COL4A1: variants seen among roughly 807,000 people sequenced by gnomAD.
COL4A1 encodes the protein collagen type IV alpha 1 chain.
A neutral mutation model predicts 216.6 loss-of-function variants in COL4A1; 40 were observed. The observed-to-expected ratio is 0.18, with a 90% CI of 0.14 to 0.24. The LOEUF (loss-of-function observed/expected upper bound fraction) is 0.24, where lower values mean the gene tolerates loss of function less well. COL4A1 is among the 10% of genes least tolerant of loss of function. The pLI, the probability that COL4A1 is intolerant of heterozygous loss-of-function variation, is 1.00. For synonymous variants in COL4A1, 839 were observed against 810.7 expected (o/e 1.03, Z -0.59); for missense variants, 1,628 against 2,196.8 (o/e 0.74, Z 5.18).
In COL4A1 at chr13:110,178,242, G is replaced by A. The variant is rs1256025447; in HGVS notation, c.2459-11C>T. The A allele has an allele frequency of 4.3e-6, 7 of 1,613,572 alleles. No homozygotes were observed. Among genetic ancestry groups the A allele is most frequent in the Middle Eastern group, 1.8e-4 (1 of 5,572 alleles). On this transcript the variant is annotated splice_polypyrimidine_tract_variant and intron_variant, in intron 31 of 51. Coordinates refer to ENST00000375820, the MANE Select transcript of COL4A1 (RefSeq NM_001845.6). ...TTATTCCAGGAGGGCCTGCAGTTGG[G>A]TGAAACACAAATAACTTTTAGCAGA...
intron 1 of COL4A1, among the ~76,000 whole-genome samples, chr13:110,253,155 T>TG (rs1405824730): frequency 2.8e-5 from 4 of 141,106 alleles, no homozygotes; most frequent in African/African-American, 7.7e-5. Flanking sequence ...TATGTACGTA[T>TG]TATATATACA....
At chr13:110,219,975 T>TAC (rs1431610819) in intron 2 of COL4A1, among the ~76,000 whole-genome samples, 3 of 145,862 alleles carry the variant, frequency 2.1e-5, no homozygotes, top group South Asian at 2.2e-4. Context: ...TACATATATA[T>TAC]ATATATATAT....
chr13:110,254,584 C>T (rs1882429246), intron 1 of COL4A1, among the ~76,000 whole-genome samples: 1 of 152,134 alleles, frequency 6.6e-6, no homozygotes, highest in South Asian at 2.1e-4. Flanking sequence ...GACGGACATG[C>T]AACTCAAAAA....
At chr13:110,227,387 G>GACACACACAC (rs373355054) in intron 2 of COL4A1, among the ~76,000 whole-genome samples, 11 of 138,770 alleles carry the variant, frequency 7.9e-5, no homozygotes, top group South Asian at 5.0e-4. Context: ...GGGTACGGTA[G>GACACACACAC]ACACACACAC....
chr13:110,189,163 A>G (rs957509992), intron 24 of COL4A1, among the ~76,000 whole-genome samples: 2 of 152,226 alleles, frequency 1.3e-5, no homozygotes. Flanking sequence ...TCTCAGGTTC[A>G]AGAGATTCTC....
intron 1 of COL4A1, among the ~76,000 whole-genome samples, chr13:110,255,203 A>C: frequency 6.6e-6 from 1 of 152,166 alleles, no homozygotes; most frequent in Non-Finnish European, 1.5e-5. Context: ...ACAAAAGGCC[A>C]AGTGTTTTCC....
rs1024858516 is a variant in COL4A1 at position 110,211,200 on chromosome 13, C to T, written c.468+447G>A. On this transcript the variant is annotated intron_variant, in intron 8 of 51. Transcript: ENST00000375820. The surrounding 1 kb of genome is among the most constrained non-coding windows in gnomAD (Gnocchi z 4.3). ...CCAACATCCAGATGCCCGAGGTCCC[C>T]GCCCTGTGCCCAAGCACAGCCGACA... is the stretch of plus-strand genomic sequence containing the variant. Among the ~76,000 whole-genome samples, 3 of 152,206 alleles carry T rather than the reference C, an allele frequency of 2.0e-5. No individual in the cohort carries two copies. Among genetic ancestry groups the T allele is most frequent in the African/African-American group, 7.2e-5 (3 of 41,438 alleles).
chr13:110,244,529 G>A (rs1380371833), intron 1 of COL4A1, among the ~76,000 whole-genome samples: 2 of 152,166 alleles, frequency 1.3e-5, no homozygotes, highest in Admixed American at 6.5e-5. Flanking sequence ...CTGTGCTCCA[G>A]GAGGTTCTTC....
At chr13:110,163,291 C>T (rs758954513) in intron 47 of COL4A1, among the ~76,000 whole-genome samples, 172 bp downstream of exon 47, 7 of 152,240 alleles carry the variant, frequency 4.6e-5, no homozygotes, top group Non-Finnish European at 8.8e-5. Context: ...GAAAAAAGAA[C>T]ACTTCTTCAG....
At chr13:110,195,959 C>T (rs1878868364) in intron 21 of COL4A1, among the ~76,000 whole-genome samples, 1 of 152,154 alleles carries the variant, frequency 6.6e-6, no homozygotes, top group Non-Finnish European at 1.5e-5. Flanking sequence ...GAGTCCCAGA[C>T]TATAGAAGGG....
chr13:110,192,935 T>A, intron 22 of COL4A1, 22 bp from the exon 23 acceptor site: 1 of 1,608,042 alleles, frequency 6.2e-7, no homozygotes, highest in Non-Finnish European at 8.5e-7. Flanking sequence ...AACACAAAGG[T>A]GCTTACGTGT....
At chr13:110,222,898 G>C (rs1379575504) in intron 2 of COL4A1, among the ~76,000 whole-genome samples, 5 of 150,944 alleles carry the variant, frequency 3.3e-5, no homozygotes, top group South Asian at 2.1e-4. Flanking sequence ...CGGAGTGAGA[G>C]AAATCACTTT....
chr13:110,190,151 C>A (rs137950633), intron 24 of COL4A1, among the ~76,000 whole-genome samples: 34 of 151,588 alleles, frequency 2.2e-4, no homozygotes, highest in African/African-American at 6.5e-4. Flanking sequence ...ATTCTATTTA[C>A]GGGAGAAATC....
At chr13:110,179,526 A>G (rs1878055066) in intron 29 of COL4A1, 105 bp from the exon 30 acceptor site, 1 of 1,510,270 alleles carries the variant, frequency 6.6e-7, no homozygotes. Flanking sequence ...CAATGCATTT[A>G]GTAAGAATAT....
intron 2 of COL4A1, among the ~76,000 whole-genome samples, chr13:110,239,805 A>C (rs981022875): frequency 6.6e-6 from 1 of 152,198 alleles, no homozygotes; most frequent in Non-Finnish European, 1.5e-5. Context: ...TTTCTTTCTT[A>C]GCTGACTTTG....
chr13:110,306,840 A>AC, intron 1 of COL4A1, 104 bp downstream of exon 1: 1 of 1,099,494 alleles, frequency 9.1e-7, no homozygotes, highest in Non-Finnish European at 1.2e-6. Flanking sequence ...GCCACGCGCG[A>AC]CCCCCGAGGG....
In COL4A1 at chr13:110,211,826, T is replaced by C. The variant is rs1198971118; in HGVS notation, c.441+43A>G. 1.2e-6 allele frequency: 2 copies of C among 1,605,526 alleles called. No homozygotes were observed. The highest frequency in any genetic ancestry group is 1.3e-5 in the African/African-American group (1 of 74,402). ...AAATGGAATGAAAAGAGAGAAGTCATAACTAAAAGAAAGAAGTTCTGCCCT... is the reference window on the plus strand; with the variant it reads ...AAATGGAATGAAAAGAGAGAAGTCACAACTAAAAGAAAGAAGTTCTGCCCT... On this transcript the variant is annotated intron_variant, in intron 7 of 51. Transcript: ENST00000375820. This position sits in a 1 kb window ranked among gnomAD's most constrained non-coding sequence, Gnocchi z 4.3.
intron 1 of COL4A1, among the ~76,000 whole-genome samples, chr13:110,283,015 C>T (rs1331203583): frequency 6.6e-6 from 1 of 152,206 alleles, no homozygotes; most frequent in Non-Finnish European, 1.5e-5. Flanking sequence ...GGCCTCACCT[C>T]CAAGCATAAA....
rs1188074436 is a variant in COL4A1 at position 110,198,670 on chromosome 13, C to T, written c.1121-39G>A. 3.1e-6 allele frequency: 5 copies of T among 1,612,628 alleles called. No individual in the cohort carries two copies. The African/African-American group carries it at 5.3e-5, about 17-fold the overall frequency. ...GAAGCTCACATCAGTAACCTCAGGG[C>T]CACTTAGCAACTACAGCATAAACTC... is the stretch of plus-strand genomic sequence containing the variant. On this transcript the variant is annotated intron_variant, in intron 20 of 51. Coordinates refer to ENST00000375820, the MANE Select transcript of COL4A1 (RefSeq NM_001845.6).
Sources: allele counts gnomAD v4.1 joint callset (sites outside exome capture counted in the v4.1 genomes callset), GRCh38; gene constraint gnomAD v4.1.1; non-coding constraint Gnocchi (gnomAD v3.1); transcripts MANE v1.5; gene names NCBI Gene and HGNC (gene_info 2026-07-23, HGNC 2026-07-21).